Variants in RIOK1 observed in about 807,000 individuals in gnomAD.
The protein encoded by RIOK1 is RIO kinase 1, also known as serine/threonine-protein kinase RIO1.
In RIOK1, 66 loss-of-function variants were observed where a neutral mutation model predicts 73.5. That is an observed-to-expected ratio of 0.90 (90% CI 0.74 to 1.10). The LOEUF is 1.10. RIOK1 is among the 50% of genes least tolerant of loss of function. The pLI, the probability that RIOK1 is intolerant of heterozygous loss-of-function variation, is 0.00. For missense variants in RIOK1, 658 were observed against 699.8 expected (o/e 0.94, Z 0.67); for synonymous variants, 224 against 226.8 (o/e 0.99, Z 0.11).
rs1311561798 is a variant in RIOK1, at chr6:7,402,639, A to G, written c.610A>G (p.Ser204Gly). 6.2e-7 allele frequency: 1 copy of G among 1,612,588 alleles called. No homozygotes were observed. Among genetic ancestry groups the G allele is most frequent in the African/African-American group, 1.3e-5 (1 of 74,980 alleles). Residue 204 changes from serine (S) to glycine (G), a missense_variant, in exon 7 of 17, where the codon AGC becomes GGC. Coordinates refer to ENST00000379834, the MANE Select transcript of RIOK1 (RefSeq NM_031480.3). ...VYHASTANGE[S>G]RAIKIYKTSI... ...CCATGCTAGCACAGCAAATGGAGAG[A>G]GCAGAGCAATCAAAATTTATAAAAC...
Position 7,402,882 on chromosome 6 carries a change from TGAG to T in RIOK1, c.755_757del (p.Arg252del), listed in dbSNP as rs775277020. ...GTGAAAACTTGGGCAGAAAAAGAAATGAGGAACTTAATCAGGTGACTGTCTGGG... is the reference window on the plus strand; with the variant it reads ...GTGAAAACTTGGGCAGAAAAAGAAATGAACTTAATCAGGTGACTGTCTGGG... On this transcript the variant is annotated inframe_deletion, in exon 8 of 17. Coordinates refer to ENST00000379834, the MANE Select transcript of RIOK1 (RefSeq NM_031480.3). 5 of 1,613,674 alleles carry T rather than the reference TGAG, an allele frequency of 3.1e-6. No homozygotes were observed. The African/African-American group carries it at 6.7e-5, about 22-fold the overall frequency.
rs1453984877 is a variant in RIOK1, at chr6:7,404,529, T to C, written c.966T>C (p.His322=). ...RRMYQDARLV[H]ADLSEFNMLY... ...TGTATCAGGATGCCAGACTTGTCCA[T>C]GCAGATCTCAGTGAATTTAACATGC... is the stretch of plus-strand genomic sequence containing the variant. The change falls in exon 10 of 17, where the codon CAT becomes CAC. Residue 322 remains histidine (H), a synonymous_variant. Transcript: ENST00000379834. 6.2e-7 allele frequency: 1 copy of C among 1,614,168 alleles called. No homozygotes were observed. The highest frequency in any genetic ancestry group is 8.5e-7 in the Non-Finnish European group (1 of 1,180,010).
chr6:7,395,908 ATGTTGACCAG>A (rs900186758), intron 3 of RIOK1, among the ~76,000 whole-genome samples: 1 of 152,018 alleles, frequency 6.6e-6, no homozygotes. Flanking sequence ...GGGTTTCTCC[ATGTTGACCAG>A]GCTGGTTTTG....
intron 16 of RIOK1, among the ~76,000 whole-genome samples, chr6:7,415,789 A>G (rs1761985764): frequency 6.6e-6 from 1 of 152,264 alleles, no homozygotes; most frequent in African/African-American, 2.4e-5. Flanking sequence ...GAGAGGCTGC[A>G]TCTGCCAATG....
chr6:7,395,243 G>A lies in RIOK1; in HGVS notation c.367+100G>A, dbSNP rs1424773830. 11 of 1,366,652 alleles carry A rather than the reference G, an allele frequency of 8.0e-6. No individual in the cohort carries two copies. The African/African-American group carries it at 1.4e-4, about 18-fold the overall frequency. 84.7% of individuals were successfully genotyped at this position (1,366,652 alleles called of 1,614,324 possible). A position where few individuals can be genotyped will look rare whatever the true frequency, so the allele number is the denominator to read the frequency against. ...GATCAAGAAATGAAGGCTGGCCGTG[G>A]TGGCTCACGCCTGTAATCCCGGCAC... is the stretch of plus-strand genomic sequence containing the variant. On this transcript the variant is annotated intron_variant, in intron 3 of 16. Transcript: ENST00000379834.
At chr6:7,411,797 G>C (rs1341605807) in intron 14 of RIOK1, among the ~76,000 whole-genome samples, 1 of 152,222 alleles carries the variant, frequency 6.6e-6, no homozygotes, top group African/African-American at 2.4e-5. Flanking sequence ...TGAAGGGTCA[G>C]ATAGTAAATA....
intron 6 of RIOK1, among the ~76,000 whole-genome samples, chr6:7,401,386 C>G (rs1761608196): frequency 1.3e-5 from 2 of 151,980 alleles, no homozygotes. Flanking sequence ...TTTTCTTTAC[C>G]TACGGGTATA....
chr6:7,392,825 A>G (rs1177565275), intron 1 of RIOK1: 1 of 550,448 alleles, frequency 1.8e-6, no homozygotes, highest in Non-Finnish European at 2.3e-6. Context: ...TAACAATATA[A>G]TTTCTAACTT....
At chr6:7,413,333 A>C (rs183573117) in intron 15 of RIOK1, among the ~76,000 whole-genome samples, 2 of 152,290 alleles carry the variant, frequency 1.3e-5, no homozygotes, top group African/African-American at 4.8e-5. Flanking sequence ...ATTACTTGTT[A>C]AAGAACAATC....
intron 8 of RIOK1, among the ~76,000 whole-genome samples, chr6:7,403,191 T>C (rs983198412): frequency 6.6e-6 from 1 of 152,222 alleles, no homozygotes; most frequent in Non-Finnish European, 1.5e-5. Flanking sequence ...TGAAAATGTT[T>C]AGAATTTATA....
chr6:7,404,673 C>A, intron 10 of RIOK1, 118 bp downstream of exon 10: 3 of 1,240,672 alleles, frequency 2.4e-6, no homozygotes, highest in Non-Finnish European at 3.4e-6. Flanking sequence ...TGTTGACTTC[C>A]AAATGGTATA....
intron 14 of RIOK1, 84 bp from the exon 15 acceptor site, chr6:7,412,805 A>G (rs905876461): frequency 3.7e-5 from 21 of 575,130 alleles, no homozygotes; most frequent in African/African-American, 5.9e-5. Context: ...TTTAACCCAC[A>G]TTGTTCTTAA....
At chr6:7,400,623 AG>A (rs1382182062) in intron 5 of RIOK1, among the ~76,000 whole-genome samples, 2 of 152,234 alleles carry the variant, frequency 1.3e-5, no homozygotes. Flanking sequence ...CTTTCAGTGT[AG>A]TGACTAGAAC....
chr6:7,409,515 G>A (rs1461127806), intron 12 of RIOK1, among the ~76,000 whole-genome samples: 1 of 151,854 alleles, frequency 6.6e-6, no homozygotes, highest in Non-Finnish European at 1.5e-5. Flanking sequence ...GCCTCCCAAA[G>A]TGCTGGGATT....
intron 13 of RIOK1, 61 bp downstream of exon 13, chr6:7,410,512 T>TA: frequency 8.9e-7 from 1 of 1,127,062 alleles, no homozygotes; most frequent in Non-Finnish European, 1.3e-6. Flanking sequence ...GTTTTTTTTT[T>TA]TATGTTGCTA....
At chr6:7,406,777 G>A (rs1761756246) in intron 12 of RIOK1, among the ~76,000 whole-genome samples, 1 of 151,862 alleles carries the variant, frequency 6.6e-6, no homozygotes, top group African/African-American at 2.4e-5. Flanking sequence ...CTACCACCCT[G>A]GCCTCCCTGA....
intron 2 of RIOK1, among the ~76,000 whole-genome samples, chr6:7,394,291 G>A (rs375865036): frequency 1.5e-3 from 233 of 152,222 alleles, no homozygotes; most frequent in Middle Eastern, 0.014. Flanking sequence ...AAAATTAGCC[G>A]GGCGTGGTGG....
intron 14 of RIOK1, 99 bp downstream of exon 14, chr6:7,411,550 A>T: frequency 7.8e-7 from 1 of 1,285,088 alleles, no homozygotes; most frequent in Non-Finnish European, 1.1e-6. Flanking sequence ...AATCTTGAAT[A>T]TTGGCTTCTG....
At chr6:7,416,516 C>T (rs1762004718) in intron 16 of RIOK1, among the ~76,000 whole-genome samples, 1 of 152,030 alleles carries the variant, frequency 6.6e-6, no homozygotes, top group Non-Finnish European at 1.5e-5. Context: ...GGCGTGGTGG[C>T]AGGCGCCTGT....
Sources: gnomAD v4.1 joint callset for allele counts (sites outside exome capture counted in the v4.1 genomes callset) on GRCh38, gnomAD v4.1.1 for gene constraint, MANE v1.5 for transcripts, NCBI Gene and HGNC (gene_info 2026-07-23, HGNC 2026-07-21) for gene names.